Variants in MN1 observed in about 807,000 individuals in gnomAD.
MN1 encodes the protein transcriptional activator MN1.
In MN1, 19 loss-of-function variants were observed where a neutral mutation model predicts 86.9. The ratio of observed to expected loss-of-function variants is 0.22; its 90% CI spans 0.15 to 0.32. The LOEUF is 0.32. Ranked by LOEUF, MN1 falls within the 10% of genes least tolerant of loss-of-function variation. The pLI is 1.00. For synonymous variants in MN1, 928 were observed against 849.6 expected (o/e 1.09, Z -1.60); for missense variants, 1,841 against 1,862.0 (o/e 0.99, Z 0.21).
intron 1 of MN1, among the ~76,000 whole-genome samples, chr22:27,759,056 G>C (rs561131483): frequency 6.6e-6 from 1 of 152,130 alleles, no homozygotes; most frequent in Non-Finnish European, 1.5e-5. Flanking sequence ...TCGAACTCGT[G>C]AGCTCAAGCA....
chr22:27,781,151 G>A (rs1192892649), intron 1 of MN1, among the ~76,000 whole-genome samples: 1 of 152,076 alleles, frequency 6.6e-6, no homozygotes, highest in African/African-American at 2.4e-5. Flanking sequence ...GGCTGGTCTC[G>A]AACTCCTGGG....
rs1304875011 is a variant in MN1 at position 27,798,631 on chromosome 22, G to T, written c.1913C>A (p.Pro638Gln). 3 of 1,561,602 alleles carry T rather than the reference G, an allele frequency of 1.9e-6. No individual in the cohort carries two copies. Among genetic ancestry groups the T allele is most frequent in the Non-Finnish European group, 1.7e-6 (2 of 1,162,386 alleles). The change falls in exon 1 of 2, where the codon CCG becomes CAG. Residue 638 changes from proline (P) to glutamine (Q), a missense_variant. Physicochemically the swap from Pro to Gln is moderately conservative, Grantham distance 76. Transcript: ENST00000302326. Reference protein sequence around the residue: ...ESAWFSGPHPPPGDLLPRRMG... With the variant: ...ESAWFSGPHPQPGDLLPRRMG... ...CCTACGGGGCAGCAGGTCTCCGGGC[G>T]GCGGATGCGGACCTGAGAACCACGC...
chr22:27,759,639 A>T (rs1932821845), intron 1 of MN1, among the ~76,000 whole-genome samples: 1 of 152,180 alleles, frequency 6.6e-6, no homozygotes. Context: ...GTAGAAGGGG[A>T]TAACAATCCC....
intron 1 of MN1, among the ~76,000 whole-genome samples, chr22:27,756,587 C>T (rs1467713265): frequency 1.3e-5 from 2 of 152,112 alleles, no homozygotes; most frequent in South Asian, 2.1e-4. Flanking sequence ...CTGGGTACTC[C>T]GGGCTAGGTG....
Position 27,797,750 on chromosome 22 carries a change from C to A in MN1, c.2794G>T (p.Gly932Cys). 6 of 1,608,244 alleles carry A rather than the reference C, an allele frequency of 3.7e-6. No homozygotes were observed. The highest frequency in any genetic ancestry group is 1.3e-5 in the African/African-American group (1 of 75,006). ...CCGCCGCCCCCGGAGACCGGCTTGC[C>A]GTCATTCCCCGACGTGGATTCCAGG... Reference protein sequence around the residue: ...YTLESTSGNDGKPVSGGGGRG... With the variant: ...YTLESTSGNDCKPVSGGGGRG... Residue 932 changes from glycine (G) to cysteine (C), a missense_variant, in exon 1 of 2, where the codon GGC becomes TGC. Physicochemically the swap from Gly to Cys is radical, Grantham distance 159 (BLOSUM62 -3). Coordinates refer to ENST00000302326, the MANE Select transcript of MN1 (RefSeq NM_002430.3).
rs1270367274 is a variant in MN1 at position 27,800,272 on chromosome 22, A to C, written c.272T>G (p.Phe91Cys). 6.3e-7 allele frequency: 1 copy of C among 1,582,750 alleles called. No homozygotes were observed. The highest frequency in any genetic ancestry group is 8.6e-7 in the Non-Finnish European group (1 of 1,165,264). ...GTGGTGAGGCTGCTGGCCGCCAAAG[A>C]AGCCGTGCACAGGCTGCGCTTGCAG... ...GGLQAQPVHG[F>C]FGGQQPHHGH... The change falls in exon 1 of 2, where the codon TTC becomes TGC. Residue 91 changes from phenylalanine to cysteine, a missense_variant. Physicochemically the swap from Phe to Cys is radical, Grantham distance 205 (BLOSUM62 -2). Transcript: ENST00000302326.
rs915792461 is a variant in MN1 at position 27,749,269 on chromosome 22, G to C, written c.*1646C>G. The stretch of plus-strand genomic sequence containing the variant: ...ATAAACAACGTGGGTGTTGTATGGT[G>C]AGCCCAGAGCCTTCAGGTCACTTGC... On this transcript the variant is annotated 3_prime_UTR_variant, in exon 2 of 2. Transcript: ENST00000302326. 5 of 231,670 alleles carry C rather than the reference G, an allele frequency of 2.2e-5. No homozygotes were observed. Among genetic ancestry groups the C allele is most frequent in the Non-Finnish European group, 4.3e-5 (5 of 117,148 alleles). The allele number at this position is 231,670 out of a possible 1,614,324, so 14.4% of individuals were successfully genotyped here. A position where few individuals can be genotyped will look rare whatever the true frequency, so the allele number is the denominator to read the frequency against.
chr22:27,783,592 C>A (rs12158277), intron 1 of MN1, among the ~76,000 whole-genome samples: 3,005 of 152,270 alleles, frequency 0.02, 105 homozygotes, highest in African/African-American at 0.069. Context: ...ATAGTCCTGT[C>A]CTGGCTCTGC....
chr22:27,800,283 A>G lies in MN1; in HGVS notation c.261T>C (p.Pro87=). 1 of 1,578,838 alleles carries G rather than the reference A, an allele frequency of 6.3e-7. No individual in the cohort carries two copies. Among genetic ancestry groups the G allele is most frequent in the Non-Finnish European group, 8.6e-7 (1 of 1,162,652 alleles). The part of the protein sequence containing the change: ...ELHAGGLQAQ[P]VHGFFGGQQP... ...GCTGGCCGCCAAAGAAGCCGTGCAC[A>G]GGCTGCGCTTGCAGCCCCCCTGCGT... Residue 87 remains proline, a synonymous_variant, in exon 1 of 2, where the codon CCT becomes CCC. Coordinates refer to ENST00000302326, the MANE Select transcript of MN1 (RefSeq NM_002430.3).
chr22:27,794,077 A>T (rs963278167), intron 1 of MN1, among the ~76,000 whole-genome samples: 4 of 152,134 alleles, frequency 2.6e-5, no homozygotes, highest in African/African-American at 9.7e-5. Context: ...TGGGACCATG[A>T]GCATGTTTTT....
intron 1 of MN1, among the ~76,000 whole-genome samples, chr22:27,753,759 A>G (rs1182616098): frequency 6.6e-6 from 1 of 152,216 alleles, no homozygotes; most frequent in African/African-American, 2.4e-5. Flanking sequence ...CAGGGTTTCT[A>G]GGAACATGGC....
chr22:27,796,785 G>T lies in MN1; in HGVS notation c.3759C>A (p.Pro1253=). 1 of 1,603,794 alleles carries T rather than the reference G, an allele frequency of 6.2e-7. No homozygotes were observed. Among genetic ancestry groups the T allele is most frequent in the Non-Finnish European group, 8.5e-7 (1 of 1,177,996 alleles). ...KTLAPWEKAK[P]QNPNSKEAHD... The stretch of plus-strand genomic sequence containing the variant: ...TACCTTCTTTGCTGTTGGGGTTCTG[G>T]GGTTTGGCCTTCTCCCAGGGCGCCA... The change falls in exon 1 of 2, where the codon CCC becomes CCA. Residue 1253 remains proline (P), a synonymous_variant. Coordinates refer to ENST00000302326, the MANE Select transcript of MN1 (RefSeq NM_002430.3).
intron 1 of MN1, among the ~76,000 whole-genome samples, chr22:27,781,862 T>G (rs923734570): frequency 6.6e-6 from 1 of 152,092 alleles, no homozygotes; most frequent in African/African-American, 2.4e-5. Context: ...AAGCTCTCTC[T>G]CTCTCTCTCT....
chr22:27,759,540 A>C (rs962160262), intron 1 of MN1, among the ~76,000 whole-genome samples: 1 of 152,088 alleles, frequency 6.6e-6, no homozygotes, highest in Non-Finnish European at 1.5e-5. Flanking sequence ...CTGAGTTCAA[A>C]GCCCACCATG....
intron 1 of MN1, among the ~76,000 whole-genome samples, chr22:27,774,486 T>C (rs1048939800): frequency 6.6e-6 from 1 of 152,220 alleles, no homozygotes; most frequent in Non-Finnish European, 1.5e-5. Context: ...GGGCAGGGCC[T>C]CCTGCTTTCA....
chr22:27,798,634 G>C lies in MN1; in HGVS notation c.1910C>G (p.Pro637Arg). 6.4e-7 allele frequency: 1 copy of C among 1,561,418 alleles called. No individual in the cohort carries two copies. Among genetic ancestry groups the C allele is most frequent in the Non-Finnish European group, 8.6e-7 (1 of 1,162,314 alleles). Residue 637 changes from proline to arginine, a missense_variant, in exon 1 of 2, where the codon CCG becomes CGG. Transcript: ENST00000302326. ...ACGGGGCAGCAGGTCTCCGGGCGGC[G>C]GATGCGGACCTGAGAACCACGCGCT... The part of the protein sequence containing the change: ...QESAWFSGPH[P>R]PPGDLLPRRM...
At chr22:27,764,060 C>T (rs766025658) in intron 1 of MN1, among the ~76,000 whole-genome samples, 6 of 152,156 alleles carry the variant, frequency 3.9e-5, no homozygotes, top group Non-Finnish European at 5.9e-5. Context: ...GAAGAGGAGG[C>T]TGCAAAATTC....
chr22:27,797,893 G>C lies in MN1; in HGVS notation c.2651C>G (p.Ala884Gly). 6.3e-7 allele frequency: 1 copy of C among 1,598,222 alleles called. No homozygotes were observed. The highest frequency in any genetic ancestry group is 1.3e-5 in the African/African-American group (1 of 74,400). ...PGSDYFPGGT[A>G]PGAPGPGGPS... ...GCCTCCGGGTCCTGGGGCCCCAGGA[G>C]CAGTCCCTCCTGGGAAGTAATCCGA... is the stretch of plus-strand genomic sequence containing the variant. Residue 884 changes from alanine (A) to glycine (G), a missense_variant, in exon 1 of 2, where the codon GCT (alanine) becomes GGT (glycine). By Grantham distance (60) the Ala-to-Gly change is moderately conservative. Transcript: ENST00000302326.
rs772674122 is a variant in MN1 at position 27,798,892 on chromosome 22, C to CACT, written c.1651_1652insAGT (p.Arg551delinsGlnCys). ...CTTAATCATGAGGGCCGCGTTTTGG[C>CACT]GCTGCTGCTGCTGCTGCTGTTGCTG... On this transcript the variant is annotated protein_altering_variant, in exon 1 of 2. Coordinates refer to ENST00000302326, the MANE Select transcript of MN1 (RefSeq NM_002430.3). The CACT allele has an allele frequency of 1.2e-5, 19 of 1,549,866 alleles. No homozygotes were observed. Among genetic ancestry groups the CACT allele is most frequent in the Non-Finnish European group, 1.6e-5 (18 of 1,148,594 alleles).
Sources: gnomAD v4.1 joint callset for allele counts (sites outside exome capture counted in the v4.1 genomes callset) on GRCh38, gnomAD v4.1.1 for gene constraint, MANE v1.5 for transcripts, NCBI Gene and HGNC (gene_info 2026-07-23, HGNC 2026-07-21) for gene names.